ELOVL6: variants seen among roughly 807,000 people sequenced by gnomAD.
ELOVL6 encodes the protein very long chain fatty acid elongase 6.
A neutral mutation model predicts 31.7 loss-of-function variants in ELOVL6; 8 were observed. That is an observed-to-expected ratio of 0.25 (90% CI 0.15 to 0.45). The LOEUF is 0.45. ELOVL6 is among the 20% of genes least tolerant of loss of function. The probability of loss-of-function intolerance (pLI) is 1.00; values close to 1 mark genes in which losing one functional copy is unlikely to be tolerated. For synonymous variants in ELOVL6, 101 were observed against 117.7 expected (o/e 0.86, Z 0.92); for missense variants, 126 against 326.4 (o/e 0.39, Z 4.73).
At chr4:110,176,534 C>T (rs72900564) in intron 1 of ELOVL6, among the ~76,000 whole-genome samples, 2,573 of 152,158 alleles carry the variant, frequency 0.017, 75 homozygotes, top group African/African-American at 0.059. Flanking sequence ...TGATTTTTAC[C>T]GCAACCTGAA....
At chr4:110,115,275 A>G (rs1409717345) in intron 1 of ELOVL6, among the ~76,000 whole-genome samples, 2 of 152,308 alleles carry the variant, frequency 1.3e-5, no homozygotes, top group Admixed American at 1.3e-4. Flanking sequence ...TTATAAATTG[A>G]TTTTGTCAGC....
chr4:110,070,016 G>A lies in ELOVL6; in HGVS notation c.222-10262C>T, dbSNP rs377013775. Among the ~76,000 whole-genome samples the A allele has an allele frequency of 5.9e-5, 9 of 152,162 alleles. No homozygotes were observed. The East Asian group carries it at 7.7e-4, about 13-fold the overall frequency. On this transcript the variant is annotated intron_variant, in intron 2 of 3. Transcript: ENST00000302274. The stretch of plus-strand genomic sequence containing the variant: ...AACGGTGCCTTTCTGTACATCCCTG[G>A]TGTCCTAGATGAGAACCCTTCTCCT...
chr4:110,092,842 C>A (rs1382254061), intron 2 of ELOVL6, among the ~76,000 whole-genome samples: 1 of 151,996 alleles, frequency 6.6e-6, no homozygotes, highest in Non-Finnish European at 1.5e-5. Context: ...CCAAACCCTG[C>A]CAAACAAGGA....
At chr4:110,060,743 A>T (rs907144032) in intron 2 of ELOVL6, among the ~76,000 whole-genome samples, 1 of 152,196 alleles carries the variant, frequency 6.6e-6, no homozygotes, top group Non-Finnish European at 1.5e-5. Flanking sequence ...CATGTGGGGA[A>T]GATGGACCTG....
chr4:110,081,081 T>G (rs941440144), intron 2 of ELOVL6, among the ~76,000 whole-genome samples: 2 of 152,002 alleles, frequency 1.3e-5, no homozygotes, highest in African/African-American at 2.4e-5. Flanking sequence ...CACTGCTCAA[T>G]GAAATAAAAG....
At chr4:110,184,756 C>A (rs751632000) in intron 1 of ELOVL6, among the ~76,000 whole-genome samples, 1 of 152,094 alleles carries the variant, frequency 6.6e-6, no homozygotes, top group Non-Finnish European at 1.5e-5. Flanking sequence ...TACTTTCATG[C>A]TGAGCTATGT....
At chr4:110,188,651 G>A (rs999963004) in intron 1 of ELOVL6, among the ~76,000 whole-genome samples, 3 of 152,152 alleles carry the variant, frequency 2.0e-5, no homozygotes, top group African/African-American at 7.2e-5. Flanking sequence ...ACTTTGGGAG[G>A]CCGAGGTGGG....
chr4:110,182,561 A>C (rs1759318062), intron 1 of ELOVL6, among the ~76,000 whole-genome samples: 1 of 152,236 alleles, frequency 6.6e-6, no homozygotes, highest in Non-Finnish European at 1.5e-5. Flanking sequence ...GACCACATGG[A>C]TAATCACACC....
Position 110,092,103 on chromosome 4 carries a change from G to T in ELOVL6, c.221+13394C>A, listed in dbSNP as rs115894746. Among the ~76,000 whole-genome samples, 467 of 152,284 alleles carry T rather than the reference G, an allele frequency of 3.1e-3. 1 individual carries two copies. Among genetic ancestry groups the T allele is most frequent in the African/African-American group, 0.011 (456 of 41,568 alleles). ...CATGCTAGGAAACGAGTTTCAAGGA[G>T]TGCTAGCAACCAGTGAAATTAGTCC... is the stretch of plus-strand genomic sequence containing the variant. On this transcript the variant is annotated intron_variant, in intron 2 of 3. Coordinates refer to ENST00000302274, the MANE Select transcript of ELOVL6 (RefSeq NM_024090.3).
chr4:110,105,382 CTCA>C, intron 2 of ELOVL6, 112 bp downstream of exon 2: 1 of 1,093,420 alleles, frequency 9.1e-7, no homozygotes, highest in Non-Finnish European at 1.3e-6. Flanking sequence ...ATTTTATGTC[CTCA>C]TCATATTCAA....
Position 110,063,751 on chromosome 4 carries a change from A to T in ELOVL6, c.222-3997T>A, listed in dbSNP as rs1398113712. ...TTTCCCAGCTCTATGGTCATACTTT[A>T]AAAAAAAAAAAGAAAATAAAAGAAA... On this transcript the variant is annotated intron_variant, in intron 2 of 3. Transcript: ENST00000302274. 5.1e-4 allele frequency among the ~76,000 whole-genome samples: 35 copies of T among 68,572 alleles called. 1 individual carries two copies. In the South Asian group the frequency reaches 7.9e-3, roughly 15 times the overall value. The allele number at this position is 68,572 out of a possible 152,430, so 45.0% of individuals were successfully genotyped here. A position where few individuals can be genotyped will look rare whatever the true frequency, so the allele number is the denominator to read the frequency against.
chr4:110,091,034 C>T (rs1195607764), intron 2 of ELOVL6, among the ~76,000 whole-genome samples: 1 of 152,186 alleles, frequency 6.6e-6, no homozygotes, highest in Non-Finnish European at 1.5e-5. Context: ...ATACAATATT[C>T]ACAGGTTCGG....
chr4:110,098,100 C>T (rs540380891), intron 2 of ELOVL6, among the ~76,000 whole-genome samples: 43 of 152,042 alleles, frequency 2.8e-4, no homozygotes, highest in Non-Finnish European at 4.6e-4. Flanking sequence ...AAACATTAAC[C>T]GTGATAGATT....
intron 1 of ELOVL6, chr4:110,117,903 A>ATATATATAT (rs1553958739): frequency 9.2e-4 from 6 of 6,492 alleles, no homozygotes; most frequent in African/African-American, 2.0e-3. Flanking sequence ...AAAAAAAAAA[A>ATATATATAT]ATATATATAT....
At chr4:110,180,427 C>A (rs1399798019) in intron 1 of ELOVL6, among the ~76,000 whole-genome samples, 2 of 152,168 alleles carry the variant, frequency 1.3e-5, no homozygotes, top group African/African-American at 4.8e-5. Context: ...GTTGCCCAGG[C>A]TACTGGAGTG....
intron 1 of ELOVL6, among the ~76,000 whole-genome samples, chr4:110,197,137 C>G (rs1759829590): frequency 6.6e-6 from 1 of 152,168 alleles, no homozygotes; most frequent in Admixed American, 6.5e-5. Context: ...GGAGACCCTG[C>G]GGCCCGACCC....
chr4:110,072,959 A>G (rs1050350275), intron 2 of ELOVL6, among the ~76,000 whole-genome samples: 3 of 152,218 alleles, frequency 2.0e-5, no homozygotes, highest in African/African-American at 7.2e-5. Context: ...AATGAGAATC[A>G]TACACAGATA....
chr4:110,086,989 C>T (rs1251309914), intron 2 of ELOVL6, among the ~76,000 whole-genome samples: 1 of 152,028 alleles, frequency 6.6e-6, no homozygotes, highest in East Asian at 1.9e-4. Flanking sequence ...AGTAAAGCAC[C>T]TGATATAGGC....
chr4:110,165,473 G>T (rs1758749685), intron 1 of ELOVL6, among the ~76,000 whole-genome samples: 1 of 152,114 alleles, frequency 6.6e-6, no homozygotes. Context: ...TCTCCTCTCA[G>T]CTACTGCTGC....
Sources: allele counts gnomAD v4.1 joint callset (sites outside exome capture counted in the v4.1 genomes callset), GRCh38; gene constraint gnomAD v4.1.1; transcripts MANE v1.5; gene names NCBI Gene and HGNC (gene_info 2026-07-23, HGNC 2026-07-21).